Variants in SRGAP1 observed in about 807,000 individuals in gnomAD.
The protein encoded by SRGAP1 is SLIT-ROBO Rho GTPase activating protein 1.
Under a neutral mutation model 121.9 loss-of-function variants are expected in SRGAP1, and 43 were observed. That is an observed-to-expected ratio of 0.35 (90% CI 0.28 to 0.46). The LOEUF (loss-of-function observed/expected upper bound fraction) is 0.46. SRGAP1 is among the 20% of genes least tolerant of loss of function. The pLI is 1.00. For missense variants in SRGAP1, 1,102 were observed against 1,350.9 expected (o/e 0.82, Z 2.89); for synonymous variants, 447 against 485.4 (o/e 0.92, Z 1.04).
In SRGAP1 at chr12:63,990,017, A is replaced by G. The variant is rs764615652; in HGVS notation, c.371A>G (p.Asn124Ser). Residue 124 changes from asparagine to serine, a missense_variant, in exon 3 of 22, where the codon AAT (asparagine) becomes AGT (serine). Transcript: ENST00000355086. ...ACCTTGAGTGACATCTATCTGAACA[A>G]TGTGATTATGCGGTTCATGCAGATA... is the stretch of plus-strand genomic sequence containing the variant. ...HATLSDIYLN[N>S]VIMRFMQISE... 3 of 1,613,786 alleles carry G rather than the reference A, an allele frequency of 1.9e-6. No individual in the cohort carries two copies. Among genetic ancestry groups the G allele is most frequent in the Non-Finnish European group, 2.5e-6 (3 of 1,179,894 alleles).
rs2037041375 is a variant in SRGAP1, at chr12:64,145,699, A to C, written c.*3027A>C. ...AAGGTGGCCACTTCACAAAGAATCC[A>C]GAATCATGCTCAGTAAAGCTCATTA... is the stretch of plus-strand genomic sequence containing the variant. On this transcript the variant is annotated 3_prime_UTR_variant, in exon 22 of 22. Coordinates refer to ENST00000355086, the MANE Select transcript of SRGAP1 (RefSeq NM_020762.4). 6.6e-6 allele frequency: 1 copy of C among 152,254 alleles called. No individual in the cohort carries two copies. Among genetic ancestry groups the C allele is most frequent in the African/African-American group, 2.4e-5 (1 of 41,442 alleles). 9.4% of individuals were successfully genotyped at this position (152,254 alleles called of 1,614,324 possible).
intron 8 of SRGAP1, among the ~76,000 whole-genome samples, chr12:64,077,369 T>G (rs190000102): frequency 1.3e-5 from 2 of 151,874 alleles, no homozygotes; most frequent in Non-Finnish European, 2.9e-5. Context: ...AGGGTACACT[T>G]AAAATATAAG....
intron 7 of SRGAP1, among the ~76,000 whole-genome samples, chr12:64,063,480 T>G (rs1169768761): frequency 2.0e-5 from 3 of 152,280 alleles, no homozygotes; most frequent in Admixed American, 6.5e-5. Context: ...CTGATAATCC[T>G]GATTTAAAGA....
At chr12:63,851,055 C>T (rs1899058019) in intron 1 of SRGAP1, among the ~76,000 whole-genome samples, 1 of 152,116 alleles carries the variant, frequency 6.6e-6, no homozygotes, top group Admixed American at 6.6e-5. Flanking sequence ...ACTCTGGAGG[C>T]TGAGGCACAA....
At chr12:63,910,590 A>G (rs1190323934) in intron 1 of SRGAP1, among the ~76,000 whole-genome samples, 6 of 152,222 alleles carry the variant, frequency 3.9e-5, no homozygotes, top group African/African-American at 9.6e-5. Context: ...TTTGAAACAC[A>G]TTAAAGTCAT....
rs149550874 is a variant in SRGAP1, at chr12:64,017,243, G to A, written c.489+231G>A. Among the ~76,000 whole-genome samples, 478 of 152,242 alleles carry A rather than the reference G, an allele frequency of 3.1e-3. 3 individuals carry two copies. Among genetic ancestry groups the A allele is most frequent in the African/African-American group, 0.011 (447 of 41,536 alleles). ...TCTATCTACCTATCTGTCTGTCTAC[G>A]TACACATGTATATACACAATTAGCA... On this transcript the variant is annotated intron_variant, in intron 4 of 21. Transcript: ENST00000355086.
intron 15 of SRGAP1, among the ~76,000 whole-genome samples, chr12:64,099,533 C>T (rs533044216): frequency 1.1e-4 from 17 of 152,254 alleles, no homozygotes; most frequent in South Asian, 6.2e-4. Context: ...ATGAATTTCC[C>T]GGTCATAATC....
chr12:64,049,785 G>T (rs2035204903), intron 6 of SRGAP1, among the ~76,000 whole-genome samples: 1 of 151,998 alleles, frequency 6.6e-6, no homozygotes, highest in African/African-American at 2.4e-5. Flanking sequence ...TGGCTGTCTT[G>T]GTTACTATAG....
intron 4 of SRGAP1, among the ~76,000 whole-genome samples, chr12:64,022,405 C>G (rs1004874842): frequency 2.6e-5 from 4 of 152,148 alleles, no homozygotes; most frequent in African/African-American, 9.7e-5. Context: ...AGTGAATTCT[C>G]TCTTACTCAG....
At chr12:63,994,777 A>T (rs561133575) in intron 3 of SRGAP1, among the ~76,000 whole-genome samples, 3 of 152,174 alleles carry the variant, frequency 2.0e-5, no homozygotes, top group African/African-American at 7.2e-5. Flanking sequence ...CTTGTTTCCC[A>T]AAGAACCAGG....
intron 1 of SRGAP1, chr12:63,983,509 C>T (rs1192508241): frequency 1.3e-5 from 2 of 152,008 alleles, no homozygotes; most frequent in Non-Finnish European, 2.9e-5. Flanking sequence ...AAGAATCAAC[C>T]TGGACACAGT....
At chr12:63,872,540 A>G (rs1474362947) in intron 1 of SRGAP1, among the ~76,000 whole-genome samples, 1 of 152,222 alleles carries the variant, frequency 6.6e-6, no homozygotes, top group Non-Finnish European at 1.5e-5. Context: ...AATTAAATGT[A>G]CTGTGACTCC....
chr12:64,139,568 G>A (rs145423944), intron 21 of SRGAP1, among the ~76,000 whole-genome samples: 1,983 of 151,908 alleles, frequency 0.013, 41 homozygotes, highest in African/African-American at 0.044. Flanking sequence ...CATGTCCTTC[G>A]CCAACTTTTT....
Position 63,950,883 on chromosome 12 carries a change from C to A in SRGAP1, c.68-33064C>A, listed in dbSNP as rs180793442. Among the ~76,000 whole-genome samples the A allele has an allele frequency of 1.1e-3, 169 of 152,122 alleles. 4 individuals are homozygous for A. The East Asian group carries it at 0.03, about 27-fold the overall frequency. On this transcript the variant is annotated intron_variant, in intron 1 of 21. Coordinates refer to ENST00000355086, the MANE Select transcript of SRGAP1 (RefSeq NM_020762.4). The stretch of plus-strand genomic sequence containing the variant: ...CCTGTGTGTCCTGTCCTGAGTCCCC[C>A]ACTCCACCCCACCCCACCCCCATTA...
intron 1 of SRGAP1, among the ~76,000 whole-genome samples, chr12:63,899,620 C>G (rs1302621705): frequency 2.6e-5 from 4 of 152,180 alleles, no homozygotes; most frequent in Admixed American, 2.6e-4. Context: ...CTTATTTGAA[C>G]ATGGTTTGAA....
intron 6 of SRGAP1, among the ~76,000 whole-genome samples, chr12:64,057,867 G>T (rs539251761): frequency 3.3e-5 from 5 of 152,192 alleles, no homozygotes; most frequent in Admixed American, 6.5e-5. Context: ...TCACATGGGA[G>T]CCTGGGGCTG....
chr12:63,894,920 T>C (rs2136300264), intron 1 of SRGAP1, among the ~76,000 whole-genome samples: 1 of 152,196 alleles, frequency 6.6e-6, no homozygotes, highest in South Asian at 2.1e-4. Flanking sequence ...TGAATAGTGC[T>C]GCAATAAACA....
chr12:64,048,682 G>A (rs770921847), intron 6 of SRGAP1, among the ~76,000 whole-genome samples: 1 of 151,962 alleles, frequency 6.6e-6, no homozygotes, highest in Non-Finnish European at 1.5e-5. Context: ...CTGCCTTTTG[G>A]ATAAAAGCCA....
intron 1 of SRGAP1, among the ~76,000 whole-genome samples, chr12:63,869,516 T>A (rs949599874): frequency 6.6e-6 from 1 of 152,256 alleles, no homozygotes; most frequent in Admixed American, 6.5e-5. Context: ...GGCAGCACCC[T>A]TCTAAAACAC....
Sources: gnomAD v4.1 joint callset for allele counts (sites outside exome capture counted in the v4.1 genomes callset) on GRCh38, gnomAD v4.1.1 for gene constraint, MANE v1.5 for transcripts, NCBI Gene and HGNC (gene_info 2026-07-23, HGNC 2026-07-21) for gene names.